Variants in NRG1 observed in about 807,000 individuals in gnomAD.
The protein encoded by NRG1 is pro-neuregulin-1, membrane-bound isoform.
Under a neutral mutation model 63.8 loss-of-function variants are expected in NRG1, and 18 were observed. The ratio of observed to expected loss-of-function variants is 0.28; its 90% CI spans 0.19 to 0.42. The LOEUF (loss-of-function observed/expected upper bound fraction) is 0.42, where lower values mean the gene tolerates loss of function less well. NRG1 is among the 10% of genes least tolerant of loss of function. The pLI is 1.00. For missense variants in NRG1, 762 were observed against 814.7 expected, an observed-to-expected ratio of 0.94 and a Z score of 0.79; for synonymous variants, 302 against 301.3, an observed-to-expected ratio of 1.00 and a Z score of -0.02.
chr8:32,399,283 T>A (rs564014620), intron 1 of NRG1, among the ~76,000 whole-genome samples: 1 of 152,374 alleles, frequency 6.6e-6, no homozygotes, highest in South Asian at 2.1e-4. Context: ...TTTATGTGTC[T>A]TTAAAAATGT....
At chr8:32,025,522 T>C (rs886641859) in intron 1 of NRG1, among the ~76,000 whole-genome samples, 19 of 152,344 alleles carry the variant, frequency 1.2e-4, no homozygotes, top group African/African-American at 4.1e-4. Flanking sequence ...AGAGGAACTA[T>C]TGACCTCAAA....
At chr8:32,191,889 T>A (rs1364063865) in intron 1 of NRG1, 2 of 152,226 alleles carry the variant, frequency 1.3e-5, no homozygotes, top group Non-Finnish European at 2.9e-5. Flanking sequence ...AGACCTGGCC[T>A]CAGAGTACAA....
intron 1 of NRG1, among the ~76,000 whole-genome samples, chr8:32,530,981 C>T (rs1317237658): frequency 6.6e-6 from 1 of 152,046 alleles, no homozygotes; most frequent in African/African-American, 2.4e-5. Context: ...ACCTGTAATT[C>T]CAGCTACTTG....
intron 1 of NRG1, among the ~76,000 whole-genome samples, chr8:32,514,806 T>A (rs907725756): frequency 4.6e-5 from 7 of 151,924 alleles, no homozygotes; most frequent in Non-Finnish European, 8.8e-5. Flanking sequence ...AAAACTGTTA[T>A]TGATTGTTCA....
chr8:32,389,110 T>A (rs1211334043), intron 1 of NRG1, among the ~76,000 whole-genome samples: 1 of 152,220 alleles, frequency 6.6e-6, no homozygotes, highest in African/African-American at 2.4e-5. Context: ...TCTTAAAACG[T>A]CTGTCCAGCA....
Position 31,640,760 on chromosome 8 carries a change from C to A in NRG1, c.37+1329C>A. The stretch of plus-strand genomic sequence containing the variant: ...TTCCTCGCCCTTGGGGGCGCGAACC[C>A]GCGGCGAGGAGGGCGCATCCCGGGC... On this transcript the variant is annotated intron_variant, in intron 1 of 10. Transcript: ENST00000519301. The surrounding 1 kb of genome is among the most constrained non-coding windows in gnomAD (Gnocchi z 6.3). 6.8e-7 allele frequency: 1 copy of A among 1,472,412 alleles called. No homozygotes were observed. The highest frequency in any genetic ancestry group is 1.4e-5 in the South Asian group (1 of 72,330). The allele number at this position is 1,472,412 out of a possible 1,614,324, so 91.2% of individuals were successfully genotyped here.
At chr8:31,863,555 T>A (rs1828670401) in intron 1 of NRG1, among the ~76,000 whole-genome samples, 1 of 152,208 alleles carries the variant, frequency 6.6e-6, no homozygotes, top group Admixed American at 6.5e-5. Context: ...GTAAAAATGT[T>A]TCTATTCAAG....
At chr8:32,614,797 C>A (rs1161871311) in intron 4 of NRG1, among the ~76,000 whole-genome samples, 3 of 152,102 alleles carry the variant, frequency 2.0e-5, no homozygotes, top group Non-Finnish European at 2.9e-5. Context: ...TGAAAGAAAT[C>A]TATATCTAGG....
chr8:31,822,131 C>T (rs1300351271), intron 1 of NRG1, among the ~76,000 whole-genome samples: 1 of 152,162 alleles, frequency 6.6e-6, no homozygotes, highest in Non-Finnish European at 1.5e-5. Context: ...TTGAGCTAGA[C>T]CATGGTCATC....
Position 31,970,475 on chromosome 8 carries a change from G to A in NRG1, c.37+331044G>A, listed in dbSNP as rs539810478. Among the ~76,000 whole-genome samples, 4 of 152,290 alleles carry A rather than the reference G, an allele frequency of 2.6e-5. No individual in the cohort carries two copies. The East Asian group carries it at 7.7e-4, about 29-fold the overall frequency. On this transcript the variant is annotated intron_variant, in intron 1 of 10. Coordinates refer to the NRG1 transcript ENST00000519301. ...TAGATGGGAGAAGCAGTTTGGGAAG[G>A]TAGCCTAGACAAGGTGATGGTCTTT...
intron 1 of NRG1, among the ~76,000 whole-genome samples, chr8:32,367,641 T>A (rs1455315458): frequency 1.3e-5 from 2 of 152,228 alleles, no homozygotes; most frequent in Non-Finnish European, 2.9e-5. Flanking sequence ...CTCTTCACTA[T>A]GTTGATTGTT....
intron 1 of NRG1, among the ~76,000 whole-genome samples, chr8:32,430,363 T>C (rs1335957012): frequency 6.6e-6 from 1 of 152,214 alleles, no homozygotes; most frequent in Non-Finnish European, 1.5e-5. Flanking sequence ...TGGTACCATA[T>C]TTATGAGCAG....
chr8:32,375,823 G>A (rs997679184), intron 1 of NRG1, among the ~76,000 whole-genome samples: 1 of 152,104 alleles, frequency 6.6e-6, no homozygotes, highest in African/African-American at 2.4e-5. Context: ...TCATTGTAAG[G>A]GACTTTCCAC....
At chr8:32,024,697 G>A (rs1816975218) in intron 1 of NRG1, among the ~76,000 whole-genome samples, 1 of 152,246 alleles carries the variant, frequency 6.6e-6, no homozygotes, top group African/African-American at 2.4e-5. Context: ...AGAAAGAACT[G>A]AAAATCTGAA....
intron 1 of NRG1, among the ~76,000 whole-genome samples, chr8:32,106,275 C>G (rs951619418): frequency 2.0e-5 from 3 of 152,162 alleles, no homozygotes; most frequent in Non-Finnish European, 4.4e-5. Context: ...TCAAAATTTT[C>G]TTTTTATAGC....
chr8:32,109,500 A>C (rs1831719714), intron 1 of NRG1, among the ~76,000 whole-genome samples: 1 of 152,182 alleles, frequency 6.6e-6, no homozygotes, highest in Admixed American at 6.5e-5. Flanking sequence ...GAATCCATGT[A>C]TTTTGTTTTT....
rs551610568 is a variant in NRG1, at chr8:32,126,922, T to C, written c.38-468906T>C. 1.1e-4 allele frequency among the ~76,000 whole-genome samples: 16 copies of C among 151,968 alleles called. No homozygotes were observed. The East Asian group carries it at 1.4e-3, about 13-fold the overall frequency. Reference sequence around the variant, plus strand: ...GGGGGGAAGAGCTCTAAGGAAGATATGGACTATGTCTCATATCTTCAAATC... The same window carrying C: ...GGGGGGAAGAGCTCTAAGGAAGATACGGACTATGTCTCATATCTTCAAATC... On this transcript the variant is annotated intron_variant, in intron 1 of 10. Coordinates refer to the NRG1 transcript ENST00000519301.
chr8:32,284,612 C>G (rs1853307278), intron 1 of NRG1, among the ~76,000 whole-genome samples: 1 of 151,972 alleles, frequency 6.6e-6, no homozygotes, highest in Non-Finnish European at 1.5e-5. Context: ...CTCACAGCAG[C>G]CTCGGCCTTC....
At chr8:32,090,976 C>G (rs1464238917) in intron 1 of NRG1, among the ~76,000 whole-genome samples, 1 of 152,148 alleles carries the variant, frequency 6.6e-6, no homozygotes, top group East Asian at 1.9e-4. Context: ...TCCATTTCCT[C>G]TTTTGTCAGA....
Sources: allele counts gnomAD v4.1 joint callset (sites outside exome capture counted in the v4.1 genomes callset), GRCh38; gene constraint gnomAD v4.1.1; non-coding constraint Gnocchi (gnomAD v3.1); transcripts MANE v1.5; gene names NCBI Gene and HGNC (gene_info 2026-07-23, HGNC 2026-07-21).